WDFY4: variants seen among roughly 807,000 people sequenced by gnomAD.
WDFY4 encodes WDFY family member 4.
WDFY4 carries 169 observed loss-of-function variants against 351.9 expected under a neutral mutation model. The ratio of observed to expected loss-of-function variants is 0.48; its 90% CI spans 0.42 to 0.55. The LOEUF (loss-of-function observed/expected upper bound fraction) is 0.55, where lower values mean the gene tolerates loss of function less well. Ranked by LOEUF, WDFY4 falls within the 20% of genes least tolerant of loss-of-function variation. The pLI is 0.00. For missense variants in WDFY4, 3,803 were observed against 3,935.6 expected (o/e 0.97, Z 0.90); for synonymous variants, 1,622 against 1,574.6 (o/e 1.03, Z -0.71).
intron 19 of WDFY4, among the ~76,000 whole-genome samples, chr10:48,784,443 C>T (rs1565193518): frequency 6.6e-6 from 1 of 150,750 alleles, no homozygotes; most frequent in Non-Finnish European, 1.5e-5. Flanking sequence ...TTGAACATCA[C>T]CTTTTCATGT....
intron 56 of WDFY4, 61 bp from the exon 57 acceptor site, chr10:48,970,070 T>C (rs1842270714): frequency 1.3e-6 from 2 of 1,523,058 alleles, no homozygotes; most frequent in African/African-American, 2.8e-5. Context: ...CCCGTGACTC[T>C]ATCCTGGGCT....
chr10:48,890,463 C>A, intron 43 of WDFY4, 116 bp from the exon 44 acceptor site: 1 of 1,262,806 alleles, frequency 7.9e-7, no homozygotes, highest in South Asian at 1.4e-5. Context: ...TCATACAAGG[C>A]ACTGCTCTCA....
At position 48,720,041 on chromosome 10, in the gene WDFY4, T is replaced by C. The variant is rs2064029331; in HGVS notation, c.265T>C (p.Phe89Leu). 6 of 1,551,648 alleles carry C rather than the reference T, an allele frequency of 3.9e-6. No individual in the cohort carries two copies. The highest frequency in any genetic ancestry group is 1.4e-5 in the African/African-American group (1 of 73,052). Residue 89 changes from phenylalanine to leucine, a missense_variant, in exon 3 of 62, where the codon TTT becomes CTT. Coordinates refer to ENST00000325239, the MANE Select transcript of WDFY4 (RefSeq NM_001394531.1). ...GGAACACTCCGTGGGGATCATCTGC[T>C]TTCCCAGTCTCCAAAGGCTGGCTGA... Reference protein sequence around the residue: ...AWEHSVGIICFPSLQRLAEDV... With the variant: ...AWEHSVGIICLPSLQRLAEDV...
intron 39 of WDFY4, 86 bp from the exon 40 acceptor site, chr10:48,867,176 TAAA>T: frequency 2.7e-6 from 1 of 369,342 alleles, no homozygotes; most frequent in Non-Finnish European, 4.4e-6. Flanking sequence ...TCTCAAAAAA[TAAA>T]ATAAAATAAA....
At chr10:48,767,600 G>A (rs1225589316) in intron 13 of WDFY4, among the ~76,000 whole-genome samples, 4 of 152,290 alleles carry the variant, frequency 2.6e-5, no homozygotes, top group African/African-American at 9.6e-5. Context: ...GTAGGGAGGG[G>A]CAGTTAGTCA....
intron 47 of WDFY4, among the ~76,000 whole-genome samples, chr10:48,931,026 A>C (rs987605441): frequency 1.3e-5 from 2 of 152,116 alleles, no homozygotes; most frequent in African/African-American, 4.8e-5. Flanking sequence ...AATTCCCTGC[A>C]ACAGATATAA....
chr10:48,958,134 G>T (rs1245206819), intron 52 of WDFY4, among the ~76,000 whole-genome samples: 1 of 152,212 alleles, frequency 6.6e-6, no homozygotes. Flanking sequence ...CCTGTAGGGG[G>T]TACAGCAGAG....
Position 48,810,560 on chromosome 10 carries a change from G to A in WDFY4, c.4869G>A (p.Gly1623=), listed in dbSNP as rs1310581344. 2 of 1,551,554 alleles carry A rather than the reference G, an allele frequency of 1.3e-6. No homozygotes were observed. The highest frequency in any genetic ancestry group is 1.7e-6 in the Non-Finnish European group (2 of 1,146,990). The change falls in exon 29 of 62, where the codon GGG becomes GGA. Residue 1623 remains glycine, a synonymous_variant. Transcript: ENST00000325239. ...AGGAAGAGATGTTTCTGAAACTGGGGCCTGACTGGTTCCTGCTGCTCCTGC... is the reference window on the plus strand; with the variant it reads ...AGGAAGAGATGTTTCTGAAACTGGGACCTGACTGGTTCCTGCTGCTCCTGC... The part of the protein sequence containing the change: ...ESKEEMFLKL[G]PDWFLLLLQG...
intron 12 of WDFY4, among the ~76,000 whole-genome samples, chr10:48,754,403 A>G (rs1031422648): frequency 2.6e-5 from 4 of 151,786 alleles, no homozygotes; most frequent in Admixed American, 2.6e-4. Context: ...CCCGTCTTTC[A>G]GTTTTGCCCT....
At chr10:48,933,465 TC>T (rs1840157062) in intron 47 of WDFY4, among the ~76,000 whole-genome samples, 1 of 152,208 alleles carries the variant, frequency 6.6e-6, no homozygotes, top group African/African-American at 2.4e-5. Context: ...CAGATGGCTC[TC>T]TTGGCCGCCA....
chr10:48,689,281 C>G (rs2063136294), intron 1 of WDFY4, among the ~76,000 whole-genome samples: 1 of 152,158 alleles, frequency 6.6e-6, no homozygotes, highest in Non-Finnish European at 1.5e-5. Context: ...CTGCCAGTCC[C>G]CTTTGAGGTA....
At chr10:48,916,048 T>C (rs1838500159) in intron 47 of WDFY4, among the ~76,000 whole-genome samples, 1 of 152,210 alleles carries the variant, frequency 6.6e-6, no homozygotes, top group African/African-American at 2.4e-5. Flanking sequence ...ACCAAACTCC[T>C]GAAAGCAAGT....
intron 13 of WDFY4, among the ~76,000 whole-genome samples, chr10:48,773,848 G>A (rs182413102): frequency 1.2e-4 from 18 of 152,270 alleles, no homozygotes; most frequent in Non-Finnish European, 2.2e-4. Flanking sequence ...TTTGGTAAGT[G>A]GTACTTCTTT....
intron 39 of WDFY4, among the ~76,000 whole-genome samples, chr10:48,853,994 A>G (rs559329649): frequency 3.9e-5 from 6 of 152,338 alleles, no homozygotes; most frequent in South Asian, 2.1e-4. Context: ...AGTATAACCA[A>G]TTCTGGACTG....
At chr10:48,917,765 C>T (rs770782290) in intron 47 of WDFY4, among the ~76,000 whole-genome samples, 1 of 152,170 alleles carries the variant, frequency 6.6e-6, no homozygotes, top group Non-Finnish European at 1.5e-5. Context: ...GGAAACTATA[C>T]TAGAGAGGAA....
At chr10:48,760,495 A>G (rs2065469641) in intron 13 of WDFY4, 55 bp downstream of exon 13, 4 of 1,520,484 alleles carry the variant, frequency 2.6e-6, no homozygotes, top group Middle Eastern at 1.7e-4. Context: ...GATCTCTCAA[A>G]TGCCTTCTGA....
chr10:48,787,891 CTCCTTCTTCTTCTTCTTCTTCTT>C lies in WDFY4; in HGVS notation c.3809-638_3809-616del, dbSNP rs1565198381. Among the ~76,000 whole-genome samples, 130 of 66,802 alleles carry C rather than the reference CTCCTTCTTCTTCTTCTTCTTCTT, an allele frequency of 1.9e-3. 8 individuals are homozygous for C. Among genetic ancestry groups the C allele is most frequent in the African/African-American group, 0.012 (125 of 10,056 alleles). 43.8% of individuals were successfully genotyped at this position (66,802 alleles called of 152,430 possible). ...TCTTTCTTCTTTCTTTCTTCTTCTT[CTCCTTCTTCTTCTTCTTCTTCTT>C]CTTCTTCTTCTTCTTCTTCTTCTTC... On this transcript the variant is annotated intron_variant, in intron 20 of 61. Transcript: ENST00000325239.
intron 1 of WDFY4, among the ~76,000 whole-genome samples, chr10:48,687,189 T>C (rs2063072267): frequency 6.6e-6 from 1 of 152,232 alleles, no homozygotes; most frequent in South Asian, 2.1e-4. Flanking sequence ...TTTGGCCATT[T>C]CTCATCGGGT....
chr10:48,772,680 A>G (rs946235398), intron 13 of WDFY4, among the ~76,000 whole-genome samples: 5 of 147,078 alleles, frequency 3.4e-5, no homozygotes, highest in South Asian at 2.2e-4. Context: ...ATATCTCCCA[A>G]TGCTATCCCT....
Sources: gnomAD v4.1 joint callset for allele counts (sites outside exome capture counted in the v4.1 genomes callset) on GRCh38, gnomAD v4.1.1 for gene constraint, MANE v1.5 for transcripts, NCBI Gene and HGNC (gene_info 2026-07-23, HGNC 2026-07-21) for gene names.